CDC23: variants seen among roughly 807,000 people sequenced by gnomAD.
CDC23 encodes cell division cycle 23.
In CDC23, 26 loss-of-function variants were observed where a neutral mutation model predicts 81.7. That is an observed-to-expected ratio of 0.32 (90% CI 0.23 to 0.44). The LOEUF (loss-of-function observed/expected upper bound fraction) is 0.44, where lower values mean the gene tolerates loss of function less well. CDC23 is among the 20% of genes least tolerant of loss of function. The probability of loss-of-function intolerance (pLI) is 1.00; values close to 1 mark genes in which losing one functional copy is unlikely to be tolerated. For synonymous variants in CDC23, 267 were observed against 270.8 expected (o/e 0.99, Z 0.14); for missense variants, 519 against 728.0 (o/e 0.71, Z 3.30).
Position 138,189,681 on chromosome 5 carries a change from C to T in CDC23, c.1575G>A (p.Leu525=). ...YLAQYYFKCK[L]WDEASTCAQK... ...GTGCACAAGTTGAAGCTTCATCCCA[C>T]AGTTTGCACTTAAAATAGTACTGGG... is the stretch of plus-strand genomic sequence containing the variant. The change falls in exon 15 of 16, where the codon CTG becomes CTA. Residue 525 remains leucine, a synonymous_variant. Transcript: ENST00000394886. 1 of 1,614,070 alleles carries T rather than the reference C, an allele frequency of 6.2e-7. No individual in the cohort carries two copies. The highest frequency in any genetic ancestry group is 8.5e-7 in the Non-Finnish European group (1 of 1,179,924).
At position 138,188,223 on chromosome 5, in the gene CDC23, G is replaced by A. The variant is rs765344301; in HGVS notation, c.*755C>T. The A allele has an allele frequency of 2.6e-5, 4 of 152,186 alleles. No individual in the cohort carries two copies. The highest frequency in any genetic ancestry group is 4.4e-5 in the Non-Finnish European group (3 of 68,016). 9.4% of individuals were successfully genotyped at this position (152,186 alleles called of 1,614,324 possible). On this transcript the variant is annotated 3_prime_UTR_variant, in exon 16 of 16. Coordinates refer to ENST00000394886, the MANE Select transcript of CDC23 (RefSeq NM_004661.4). ...TCACCAATGTTATTTCCAAATGTCC[G>A]TGAAATTATCTATAATCCTATCTCC...
At chr5:138,210,003 C>A (rs1397781156) in intron 2 of CDC23, among the ~76,000 whole-genome samples, 1 of 151,954 alleles carries the variant, frequency 6.6e-6, no homozygotes, top group Non-Finnish European at 1.5e-5. Context: ...CACTTGAGGT[C>A]AGGAGTTCGA....
intron 3 of CDC23, among the ~76,000 whole-genome samples, chr5:138,203,463 C>T (rs1390149473): frequency 6.6e-6 from 1 of 151,644 alleles, no homozygotes; most frequent in East Asian, 1.9e-4. Context: ...GAAAAAGAAA[C>T]AGGGAGGGAA....
intron 9 of CDC23, among the ~76,000 whole-genome samples, chr5:138,194,510 A>G (rs1383017283): frequency 6.6e-6 from 1 of 152,156 alleles, no homozygotes; most frequent in East Asian, 1.9e-4. Flanking sequence ...GCAAAACTAT[A>G]AAGAAGCAAA....
At chr5:138,195,598 T>TTA (rs1283248779) in intron 9 of CDC23, among the ~76,000 whole-genome samples, 1 of 77,542 alleles carries the variant, frequency 1.3e-5, no homozygotes, top group Non-Finnish European at 2.7e-5. Flanking sequence ...ATAATATATA[T>TTA]TATATATGAT....
chr5:138,208,447 T>C (rs1019209438), intron 2 of CDC23, among the ~76,000 whole-genome samples: 1 of 152,108 alleles, frequency 6.6e-6, no homozygotes, highest in Non-Finnish European at 1.5e-5. Flanking sequence ...ACTCACCACT[T>C]GTTTATTTCT....
intron 15 of CDC23, 91 bp from the exon 16 acceptor site, chr5:138,189,239 TC>T: frequency 3.2e-6 from 4 of 1,234,940 alleles, no homozygotes; most frequent in South Asian, 2.9e-5. Context: ...GTTCCACAGA[TC>T]AAGGAGGCGG....
rs1755139322 is a variant in CDC23 at position 138,213,319 on chromosome 5, G to T, written c.-7C>A. The stretch of plus-strand genomic sequence containing the variant: ...TGGAGGTACTCGCAGCCATTTTCCC[G>T]ACTCGGGCCACTCCAGCCAATCATC... On this transcript the variant is annotated 5_prime_UTR_variant, in exon 1 of 16. Coordinates refer to ENST00000394886, the MANE Select transcript of CDC23 (RefSeq NM_004661.4). 4 of 1,612,820 alleles carry T rather than the reference G, an allele frequency of 2.5e-6. No homozygotes were observed. The highest frequency in any genetic ancestry group is 1.1e-5 in the South Asian group (1 of 90,996).
Position 138,212,974 on chromosome 5 carries a change from T to C in CDC23, c.234+17A>G. ...CCCTGGGTTGATGGGGAGCGCTCAC[T>C]GTAAACATGTCCTTACCTCTGTAAT... On this transcript the variant is annotated intron_variant, in intron 2 of 15. Transcript: ENST00000394886. 1.2e-6 allele frequency: 2 copies of C among 1,611,254 alleles called. No homozygotes were observed. Among genetic ancestry groups the C allele is most frequent in the Non-Finnish European group, 8.5e-7 (1 of 1,177,518 alleles).
intron 6 of CDC23, among the ~76,000 whole-genome samples, chr5:138,199,091 T>G (rs1754955110): frequency 6.6e-6 from 1 of 152,058 alleles, no homozygotes; most frequent in Non-Finnish European, 1.5e-5. Flanking sequence ...GGTAATAGCA[T>G]AAGGAGAGGC....
Position 138,198,289 on chromosome 5 carries a change from A to T in CDC23, c.931-9T>A. The T allele has an allele frequency of 6.2e-7, 1 of 1,610,610 alleles. No homozygotes were observed. Among genetic ancestry groups the T allele is most frequent in the Admixed American group, 1.7e-5 (1 of 59,964 alleles). ...AACTCCGATTTCATGCTCTGGGATA[A>T]AAGAAAAAGACAATATAAGCATGAA... On this transcript the variant is annotated splice_polypyrimidine_tract_variant and intron_variant, in intron 8 of 15. Transcript: ENST00000394886.
Position 138,201,465 on chromosome 5 carries a change from G to C in CDC23, c.416-17C>G, listed in dbSNP as rs944887221. The stretch of plus-strand genomic sequence containing the variant: ...CCAGGGGGCCTAGGAAAGAAACAGA[G>C]TCTCTGTTCTAAGGTTAGGATGCTG... On this transcript the variant is annotated splice_polypyrimidine_tract_variant and intron_variant, in intron 4 of 15. Transcript: ENST00000394886. 4 of 1,544,714 alleles carry C rather than the reference G, an allele frequency of 2.6e-6. No homozygotes were observed. The highest frequency in any genetic ancestry group is 2.7e-5 in the African/African-American group (2 of 73,018).
chr5:138,207,724 G>C (rs374338695), intron 2 of CDC23, among the ~76,000 whole-genome samples: 1 of 152,036 alleles, frequency 6.6e-6, no homozygotes, highest in African/African-American at 2.4e-5. Context: ...GGGAGACCAG[G>C]GCAAGAGGAT....
chr5:138,210,023 G>A (rs572858790), intron 2 of CDC23, among the ~76,000 whole-genome samples: 1 of 152,112 alleles, frequency 6.6e-6, no homozygotes, highest in Admixed American at 6.6e-5. Flanking sequence ...AGACCAGCCT[G>A]GCCAACATGG....
At position 138,189,842 on chromosome 5, in the gene CDC23, T is replaced by G. The variant is rs767739365; in HGVS notation, c.1489A>C (p.Ile497Leu). Residue 497 changes from isoleucine (I) to leucine (L), a missense_variant, in exon 14 of 16, where the codon ATC becomes CTC. By Grantham distance (5) the Ile-to-Leu change is conservative. This residue lies in a region of CDC23 where 175 missense variants were observed against 337.8 expected (regional missense o/e 0.52). Coordinates refer to ENST00000394886, the MANE Select transcript of CDC23 (RefSeq NM_004661.4). ...AQCYIKYIQD[I>L]YSCGEIVEHL... ...ATGATACATACCCCACAGGAATAGATATCTTGGATATATTTGATGTAACAC... is the reference window on the plus strand; with the variant it reads ...ATGATACATACCCCACAGGAATAGAGATCTTGGATATATTTGATGTAACAC... The G allele has an allele frequency of 4.3e-6, 7 of 1,614,160 alleles. No homozygotes were observed. Among genetic ancestry groups the G allele is most frequent in the Middle Eastern group, 1.7e-4 (1 of 6,060 alleles).
intron 9 of CDC23, among the ~76,000 whole-genome samples, chr5:138,195,136 A>T (rs1220790787): frequency 6.6e-6 from 1 of 152,012 alleles, no homozygotes; most frequent in African/African-American, 2.4e-5. Context: ...GAAAACCAAA[A>T]TGCAGAGTAT....
In CDC23 at chr5:138,198,213, G is replaced by A. The variant is rs758507688; in HGVS notation, c.998C>T (p.Thr333Met). The change falls in exon 9 of 16, where the codon ACG (threonine) becomes ATG (methionine). Residue 333 changes from threonine to methionine, a missense_variant. Thr to Met is a moderately conservative substitution (Grantham distance 81). Coordinates refer to ENST00000394886, the MANE Select transcript of CDC23 (RefSeq NM_004661.4). The stretch of plus-strand genomic sequence containing the variant: ...TTAATTCTTACCAATTACACAGCAC[G>A]TTTCTACACGATATTTATCAATCTC... ...LCEIDKYRVE[T>M]CCVIGNYYSL... 3.7e-6 allele frequency: 6 copies of A among 1,610,440 alleles called. No homozygotes were observed. The highest frequency in any genetic ancestry group is 5.1e-6 in the Non-Finnish European group (6 of 1,177,112).
At chr5:138,206,012 A>G (rs1254940275) in intron 3 of CDC23, 1 of 152,990 alleles carries the variant, frequency 6.5e-6, no homozygotes, top group Admixed American at 6.5e-5. Context: ...AGGAAATGAG[A>G]AGTACATAAA....
At chr5:138,195,710 TATAATATATATGTATATATATAC>T (rs1754888493) in intron 9 of CDC23, among the ~76,000 whole-genome samples, 1 of 65,094 alleles carries the variant, frequency 1.5e-5, no homozygotes, top group Non-Finnish European at 3.3e-5. Context: ...CATATATACA[TATAATATATATGTATATATATAC>T]ATATAATATA....
Sources: gnomAD v4.1 joint callset for allele counts (sites outside exome capture counted in the v4.1 genomes callset) on GRCh38, gnomAD v4.1.1 for gene constraint, gnomAD v4.1.1 regional missense constraint, MANE v1.5 for transcripts, NCBI Gene and HGNC (gene_info 2026-07-23, HGNC 2026-07-21) for gene names.